The following NRARP variants were observed in gnomAD, a reference collection of about 807,000 sequenced individuals.
The protein encoded by NRARP is NOTCH regulated ankyrin repeat protein.
For missense variants in NRARP, 83 were observed against 161.1 expected, an observed-to-expected ratio of 0.52 and a Z score of 2.62; for synonymous variants, 81 against 77.4, an observed-to-expected ratio of 1.05 and a Z score of -0.25.
rs1364332408 is a variant in NRARP at position 137,301,499 on chromosome 9, G to T, written c.*85C>A. Reference sequence around the variant, plus strand: ...ACGGGCCTTCTGGCGGGGCCTGCGAGCCGGGCGCGCACCGAGGTAGTTGGC... The same window carrying T: ...ACGGGCCTTCTGGCGGGGCCTGCGATCCGGGCGCGCACCGAGGTAGTTGGC... On this transcript the variant is annotated 3_prime_UTR_variant, in exon 1 of 1. Coordinates refer to ENST00000356628, the MANE Select transcript of NRARP (RefSeq NM_001004354.3). This position sits in a 1 kb window ranked among gnomAD's most constrained non-coding sequence, Gnocchi z 9.1. 2.1e-6 allele frequency: 2 copies of T among 932,030 alleles called. No homozygotes were observed. Among genetic ancestry groups the T allele is most frequent in the East Asian group, 3.2e-5 (1 of 30,854 alleles). The allele number at this position is 932,030 out of a possible 1,614,324, so 57.7% of individuals were successfully genotyped here. A position where few individuals can be genotyped will look rare whatever the true frequency, so the allele number is the denominator to read the frequency against.
rs1242719217 is a variant in NRARP, at chr9:137,301,829, G to A, written c.100C>T (p.Leu34=). The stretch of plus-strand genomic sequence containing the variant: ...AACTCGCAGTTGGTCATGTTCTGCA[G>A]CAGCGACTGCAGCTCCTGCGTGTTG... The part of the protein sequence containing the change: ...KGNTQELQSL[L]QNMTNCEFNV... The change falls in exon 1 of 1, where the codon CTG becomes TTG. Residue 34 remains leucine (L), a synonymous_variant. Coordinates refer to ENST00000356628, the MANE Select transcript of NRARP (RefSeq NM_001004354.3). This position sits in a 1 kb window ranked among gnomAD's most constrained non-coding sequence, Gnocchi z 9.1. 4 of 1,601,886 alleles carry A rather than the reference G, an allele frequency of 2.5e-6. No homozygotes were observed. Among genetic ancestry groups the A allele is most frequent in the Non-Finnish European group, 3.4e-6 (4 of 1,178,794 alleles).
Position 137,300,733 on chromosome 9 carries a change from C to T in NRARP, c.*851G>A, listed in dbSNP as rs1343992875. The stretch of plus-strand genomic sequence containing the variant: ...TCCAGGAGGGGCGGGGGAGAGAGGC[C>T]CTGGGGCTTCCAAAACTCACGGATT... On this transcript the variant is annotated 3_prime_UTR_variant, in exon 1 of 1. Transcript: ENST00000356628. The T allele has an allele frequency of 6.6e-6, 1 of 150,938 alleles. No homozygotes were observed. The allele number at this position is 150,938 out of a possible 1,614,324, so 9.3% of individuals were successfully genotyped here. A position where few individuals can be genotyped will look rare whatever the true frequency, so the allele number is the denominator to read the frequency against.
Position 137,300,311 on chromosome 9 carries a change from G to T in NRARP, c.*1273C>A, listed in dbSNP as rs1460337321. Among the ~76,000 whole-genome samples the T allele has an allele frequency of 2.0e-5, 3 of 152,074 alleles. No individual in the cohort carries two copies. Among genetic ancestry groups the T allele is most frequent in the Non-Finnish European group, 4.4e-5 (3 of 68,024 alleles). ...CTGGGAGGCTAAAAAGGGGCAAAAC[G>T]ATCCTTCAATTAACTCAGCCATTAG... is the stretch of plus-strand genomic sequence containing the variant. On this transcript the variant is annotated 3_prime_UTR_variant, in exon 1 of 1. Coordinates refer to ENST00000356628, the MANE Select transcript of NRARP (RefSeq NM_001004354.3).
rs1370774491 is a variant in NRARP at position 137,301,905 on chromosome 9, G to C, written c.24C>G (p.Thr8=). The part of the protein sequence containing the change: MSQAELS[T]CSAPQTQRIF... ...TGCGCTGCGTCTGCGGCGCGGAGCA[G>C]GTGGACAGCTCGGCCTGGCTCATGC... Residue 8 remains threonine, a synonymous_variant, in exon 1 of 1, where the codon ACC becomes ACG. Transcript: ENST00000356628. The surrounding 1 kb of genome is among the most constrained non-coding windows in gnomAD (Gnocchi z 9.1). 1.3e-6 allele frequency: 2 copies of C among 1,549,180 alleles called. No homozygotes were observed. Among genetic ancestry groups the C allele is most frequent in the African/African-American group, 2.8e-5 (2 of 72,066 alleles).
At position 137,301,852 on chromosome 9, in the gene NRARP, T is replaced by A; in HGVS notation, c.77A>T (p.Asn26Ile). 6.3e-7 allele frequency: 1 copy of A among 1,596,788 alleles called. No individual in the cohort carries two copies. ...CAGCAGCGACTGCAGCTCCTGCGTGTTGCCCTTGCGCACAGCCTCCTGGAA... is the reference window on the plus strand; with the variant it reads ...CAGCAGCGACTGCAGCTCCTGCGTGATGCCCTTGCGCACAGCCTCCTGGAA... The part of the protein sequence containing the change: ...RIFQEAVRKG[N>I]TQELQSLLQN... Residue 26 changes from asparagine (N) to isoleucine (I), a missense_variant, in exon 1 of 1, where the codon AAC becomes ATC. Asn to Ile is a moderately radical substitution (Grantham distance 149). Transcript: ENST00000356628. This position sits in a 1 kb window ranked among gnomAD's most constrained non-coding sequence, Gnocchi z 9.1.
At position 137,302,158 on chromosome 9, in the gene NRARP, C is replaced by T. The variant is rs891852179; in HGVS notation, c.-230G>A. 3 of 145,316 alleles carry T rather than the reference C, an allele frequency of 2.1e-5. No homozygotes were observed. Among genetic ancestry groups the T allele is most frequent in the African/African-American group, 7.4e-5 (3 of 40,594 alleles). 9.0% of individuals were successfully genotyped at this position (145,316 alleles called of 1,614,324 possible). A position where few individuals can be genotyped will look rare whatever the true frequency, so the allele number is the denominator to read the frequency against. On this transcript the variant is annotated 5_prime_UTR_variant, in exon 1 of 1. Transcript: ENST00000356628. The surrounding 1 kb of genome is among the most constrained non-coding windows in gnomAD (Gnocchi z 4.8). ...GTGGGCGACGGGGGCGCGCGCTCGG[C>T]TCGCGGGGGCCGGGCCCGGCCGGGG...
In NRARP at chr9:137,301,400, C is replaced by G; in HGVS notation, c.*184G>C. The G allele has an allele frequency of 3.1e-6, 1 of 324,234 alleles. No homozygotes were observed. The highest frequency in any genetic ancestry group is 5.5e-6 in the Non-Finnish European group (1 of 181,404). The allele number at this position is 324,234 out of a possible 1,614,324, so 20.1% of individuals were successfully genotyped here. A position where few individuals can be genotyped will look rare whatever the true frequency, so the allele number is the denominator to read the frequency against. ...TCCGGCCCGGCCGGGCCCGGCTAGG[C>G]CGCAGGGAGGCGCTCGGCCGGCGGG... On this transcript the variant is annotated 3_prime_UTR_variant, in exon 1 of 1. Transcript: ENST00000356628. This position sits in a 1 kb window ranked among gnomAD's most constrained non-coding sequence, Gnocchi z 9.1.
rs891798930 is a variant in NRARP, at chr9:137,301,999, G to A, written c.-71C>T. ...GGCGGCGGCTGCGGCGCGGGCCCCC[G>A]GCTGTCTCGGGGCGCGCCTCGGCGC... is the stretch of plus-strand genomic sequence containing the variant. On this transcript the variant is annotated 5_prime_UTR_variant, in exon 1 of 1. Coordinates refer to ENST00000356628, the MANE Select transcript of NRARP (RefSeq NM_001004354.3). This position sits in a 1 kb window ranked among gnomAD's most constrained non-coding sequence, Gnocchi z 9.1. The A allele has an allele frequency of 3.2e-4, 204 of 635,650 alleles. No homozygotes were observed. In the Middle Eastern group the frequency reaches 6.3e-3, roughly 20 times the overall value. The allele number at this position is 635,650 out of a possible 1,614,324, so 39.4% of individuals were successfully genotyped here. A position where few individuals can be genotyped will look rare whatever the true frequency, so the allele number is the denominator to read the frequency against.
Position 137,301,608 on chromosome 9 carries a change from C to A in NRARP, c.321G>T (p.Ala107=). Residue 107 remains alanine, a synonymous_variant, in exon 1 of 1, where the codon GCG becomes GCT. Transcript: ENST00000356628. The surrounding 1 kb of genome is among the most constrained non-coding windows in gnomAD (Gnocchi z 9.1). ...QDIVLYLITK[A]KYAASGR ...ATCACCGGCCGCTGGCCGCGTACTT[C>A]GCCTTGGTGATGAGATAGAGCACGA... 6.3e-7 allele frequency: 1 copy of A among 1,589,712 alleles called. No individual in the cohort carries two copies. Among genetic ancestry groups the A allele is most frequent in the Non-Finnish European group, 8.6e-7 (1 of 1,164,610 alleles).
In NRARP at chr9:137,301,392, C is replaced by G. The variant is rs1286272112; in HGVS notation, c.*192G>C. Reference sequence around the variant, plus strand: ...GAAGCTGCTCCGGCCCGGCCGGGCCCGGCTAGGCCGCAGGGAGGCGCTCGG... The same window carrying G: ...GAAGCTGCTCCGGCCCGGCCGGGCCGGGCTAGGCCGCAGGGAGGCGCTCGG... On this transcript the variant is annotated 3_prime_UTR_variant, in exon 1 of 1. Transcript: ENST00000356628. The surrounding 1 kb of genome is among the most constrained non-coding windows in gnomAD (Gnocchi z 9.1). 1 of 289,856 alleles carries G rather than the reference C, an allele frequency of 3.4e-6. No homozygotes were observed. The highest frequency in any genetic ancestry group is 5.3e-5 in the Admixed American group (1 of 18,864). The allele number at this position is 289,856 out of a possible 1,614,324, so 18.0% of individuals were successfully genotyped here. A position where few individuals can be genotyped will look rare whatever the true frequency, so the allele number is the denominator to read the frequency against.
rs1830937031 is a variant in NRARP, at chr9:137,300,423, C to T, written c.*1161G>A. 1.3e-5 allele frequency: 2 copies of T among 152,082 alleles called. No individual in the cohort carries two copies. The highest frequency in any genetic ancestry group is 4.8e-5 in the African/African-American group (2 of 41,368). 9.4% of individuals were successfully genotyped at this position (152,082 alleles called of 1,614,324 possible). A position where few individuals can be genotyped will look rare whatever the true frequency, so the allele number is the denominator to read the frequency against. On this transcript the variant is annotated 3_prime_UTR_variant, in exon 1 of 1. Coordinates refer to ENST00000356628, the MANE Select transcript of NRARP (RefSeq NM_001004354.3). The stretch of plus-strand genomic sequence containing the variant: ...GCCTTCACAACGCTGGATACATCGC[C>T]CTTTAAAATTGGGTTTATAACCAAG...
Position 137,301,841 on chromosome 9 carries a change from G to A in NRARP, c.88C>T (p.Leu30=), listed in dbSNP as rs1830958192. Residue 30 remains leucine (L), a synonymous_variant, in exon 1 of 1, where the codon CTG becomes TTG. Coordinates refer to ENST00000356628, the MANE Select transcript of NRARP (RefSeq NM_001004354.3). The surrounding 1 kb of genome is among the most constrained non-coding windows in gnomAD (Gnocchi z 9.1). ...GTCATGTTCTGCAGCAGCGACTGCAGCTCCTGCGTGTTGCCCTTGCGCACA... is the reference window on the plus strand; with the variant it reads ...GTCATGTTCTGCAGCAGCGACTGCAACTCCTGCGTGTTGCCCTTGCGCACA... ...EAVRKGNTQE[L]QSLLQNMTNC... 2 of 1,599,914 alleles carry A rather than the reference G, an allele frequency of 1.3e-6. No homozygotes were observed. Among genetic ancestry groups the A allele is most frequent in the East Asian group, 2.2e-5 (1 of 44,720 alleles).
Position 137,301,716 on chromosome 9 carries a change from G to C in NRARP, c.213C>G (p.Val71=), listed in dbSNP as rs148914532. The change falls in exon 1 of 1, where the codon GTC becomes GTG. Residue 71 remains valine, a synonymous_variant. Coordinates refer to ENST00000356628, the MANE Select transcript of NRARP (RefSeq NM_001004354.3). This position sits in a 1 kb window ranked among gnomAD's most constrained non-coding sequence, Gnocchi z 9.1. ...CCAGGCGGATGTCGGCGCCGAACTT[G>C]ACCAGCAGCTTCACGAGCTCCAGGT... ...DGNLELVKLL[V]KFGADIRLAN... 1.7e-3 allele frequency: 2,820 copies of C among 1,611,486 alleles called. 6 individuals carry two copies. The highest frequency in any genetic ancestry group is 2.1e-3 in the Non-Finnish European group (2,438 of 1,179,580).
rs771148350 is a variant in NRARP at position 137,301,933 on chromosome 9, C to A, written c.-5G>T. On this transcript the variant is annotated 5_prime_UTR_variant, in exon 1 of 1. Transcript: ENST00000356628. This position sits in a 1 kb window ranked among gnomAD's most constrained non-coding sequence, Gnocchi z 9.1. ...GGACAGCTCGGCCTGGCTCATGCTG[C>A]CGCCGGGCGCGGGCCGCGGGCCGGG... 28 of 1,330,096 alleles carry A rather than the reference C, an allele frequency of 2.1e-5. No individual in the cohort carries two copies. The highest frequency in any genetic ancestry group is 3.9e-6 in the Non-Finnish European group (4 of 1,032,534). The allele number at this position is 1,330,096 out of a possible 1,614,324, so 82.4% of individuals were successfully genotyped here.
Position 137,301,489 on chromosome 9 carries a change from G to A in NRARP, c.*95C>T, listed in dbSNP as rs1588202396. ...CGCCGTGGCCACGGGCCTTCTGGCG[G>A]GGCCTGCGAGCCGGGCGCGCACCGA... On this transcript the variant is annotated 3_prime_UTR_variant, in exon 1 of 1. Coordinates refer to ENST00000356628, the MANE Select transcript of NRARP (RefSeq NM_001004354.3). This position sits in a 1 kb window ranked among gnomAD's most constrained non-coding sequence, Gnocchi z 9.1. 4.9e-6 allele frequency: 4 copies of A among 823,452 alleles called. No homozygotes were observed. The highest frequency in any genetic ancestry group is 6.6e-5 in the East Asian group (2 of 30,126). 51.0% of individuals were successfully genotyped at this position (823,452 alleles called of 1,614,324 possible).
rs781745902 is a variant in NRARP, at chr9:137,301,938, G to C, written c.-10C>G. 5.3e-6 allele frequency: 7 copies of C among 1,320,474 alleles called. No homozygotes were observed. The highest frequency in any genetic ancestry group is 2.1e-5 in the South Asian group (1 of 48,314). 81.8% of individuals were successfully genotyped at this position (1,320,474 alleles called of 1,614,324 possible). ...GCTCGGCCTGGCTCATGCTGCCGCC[G>C]GGCGCGGGCCGCGGGCCGGGCCGGG... On this transcript the variant is annotated 5_prime_UTR_variant, in exon 1 of 1. Coordinates refer to ENST00000356628, the MANE Select transcript of NRARP (RefSeq NM_001004354.3). This position sits in a 1 kb window ranked among gnomAD's most constrained non-coding sequence, Gnocchi z 9.1.
Position 137,302,186 on chromosome 9 carries a change from G to A in NRARP, c.-258C>T, listed in dbSNP as rs1029617717. 6.8e-6 allele frequency: 1 copy of A among 146,018 alleles called. No homozygotes were observed. Among genetic ancestry groups the A allele is most frequent in the African/African-American group, 2.5e-5 (1 of 40,754 alleles). The allele number at this position is 146,018 out of a possible 1,614,324, so 9.0% of individuals were successfully genotyped here. A position where few individuals can be genotyped will look rare whatever the true frequency, so the allele number is the denominator to read the frequency against. Reference sequence around the variant, plus strand: ...GCGGGGGCCGGGCCCGGCCGGGGACGGCGGCGCCGCGCGGTCCCGGTCCCT... The same window carrying A: ...GCGGGGGCCGGGCCCGGCCGGGGACAGCGGCGCCGCGCGGTCCCGGTCCCT... On this transcript the variant is annotated 5_prime_UTR_variant, in exon 1 of 1. Coordinates refer to ENST00000356628, the MANE Select transcript of NRARP (RefSeq NM_001004354.3). This position sits in a 1 kb window ranked among gnomAD's most constrained non-coding sequence, Gnocchi z 4.8.
rs1318070588 is a variant in NRARP at position 137,301,827 on chromosome 9, C to T, written c.102G>A (p.Leu34=). ...KGNTQELQSL[L]QNMTNCEFNV... ...TGAACTCGCAGTTGGTCATGTTCTG[C>T]AGCAGCGACTGCAGCTCCTGCGTGT... Residue 34 remains leucine, a synonymous_variant, in exon 1 of 1, where the codon CTG becomes CTA. Coordinates refer to ENST00000356628, the MANE Select transcript of NRARP (RefSeq NM_001004354.3). This position sits in a 1 kb window ranked among gnomAD's most constrained non-coding sequence, Gnocchi z 9.1. The T allele has an allele frequency of 1.2e-5, 20 of 1,602,826 alleles. No individual in the cohort carries two copies. Among genetic ancestry groups the T allele is most frequent in the Admixed American group, 1.0e-4 (6 of 59,920 alleles).
At position 137,299,786 on chromosome 9, in the gene NRARP, G is replaced by C. The variant is rs1830929463; in HGVS notation, c.*1798C>G. ...CACCCCGTGACCCACACACAGCTTC[G>C]ATATAAGCCTAGAAAGTCTTAACAT... On this transcript the variant is annotated 3_prime_UTR_variant, in exon 1 of 1. Coordinates refer to ENST00000356628, the MANE Select transcript of NRARP (RefSeq NM_001004354.3). Among the ~76,000 whole-genome samples, 2 of 152,084 alleles carry C rather than the reference G, an allele frequency of 1.3e-5. No homozygotes were observed. Among genetic ancestry groups the C allele is most frequent in the Non-Finnish European group, 2.9e-5 (2 of 68,020 alleles).
Sources: gnomAD v4.1 joint callset for allele counts (sites outside exome capture counted in the v4.1 genomes callset) on GRCh38, gnomAD v4.1.1 for gene constraint, Gnocchi (gnomAD v3.1) non-coding constraint, MANE v1.5 for transcripts, NCBI Gene and HGNC (gene_info 2026-07-23, HGNC 2026-07-21) for gene names.